The following BAG6 variants were observed in gnomAD, a reference collection of about 807,000 sequenced individuals.
BAG6 encodes the protein large proline-rich protein BAG6.
A neutral mutation model predicts 121.0 loss-of-function variants in BAG6; 22 were observed. The observed-to-expected ratio is 0.18, with a 90% CI of 0.13 to 0.26. The LOEUF is 0.26. Among genes scored for constraint, BAG6 ranks in the 10% least tolerant of loss-of-function variants. The probability of loss-of-function intolerance (pLI) is 1.00; values close to 1 mark genes in which losing one functional copy is unlikely to be tolerated. For missense variants in BAG6, 1,233 were observed against 1,537.7 expected, an observed-to-expected ratio of 0.80 and a Z score of 3.31; for synonymous variants, 583 against 584.6, an observed-to-expected ratio of 1.00 and a Z score of 0.04.
chr6:31,648,709 T>C lies in BAG6; in HGVS notation c.520A>G (p.Arg174Gly), dbSNP rs1792961936. The change falls in exon 6 of 26, where the codon AGG becomes GGG. Residue 174 changes from arginine to glycine, a missense_variant. Physicochemically the swap from Arg to Gly is moderately radical, Grantham distance 125. Coordinates refer to ENST00000676615, the MANE Select transcript of BAG6 (RefSeq NM_001387994.1). ...VRLVMAQHMI[R>G]DIQTLLSRME... is the part of the protein sequence containing the mutation. ...CGGGATAGTAAGGTCTGTATATCCC[T>C]GATCATGTGCTGAGCCATCACCAGC... is the stretch of plus-strand genomic sequence containing the variant. 1.2e-6 allele frequency: 2 copies of C among 1,613,950 alleles called. No individual in the cohort carries two copies. The highest frequency in any genetic ancestry group is 1.7e-6 in the Non-Finnish European group (2 of 1,180,020).
intron 2 of BAG6, among the ~76,000 whole-genome samples, chr6:31,651,447 G>A (rs1796627248): frequency 6.6e-6 from 1 of 152,130 alleles, no homozygotes; most frequent in Admixed American, 6.5e-5. Context: ...GCTGAGATAG[G>A]AAAATCGCTT....
chr6:31,648,814 T>TA (rs1793147327), intron 5 of BAG6, 63 bp from the exon 6 acceptor site: 5 of 1,602,888 alleles, frequency 3.1e-6, no homozygotes, highest in Non-Finnish European at 4.3e-6. Flanking sequence ...TACCACCTAC[T>TA]AAATCAGGTC....
Position 31,644,396 on chromosome 6 carries a change from A to T in BAG6, c.1466T>A (p.Leu489Gln). ...CATGAACTCAGGGGGCAGGGAGGGC[A>T]GCTGGATGAGGGTGGAGCCTGGGGG... is the stretch of plus-strand genomic sequence containing the variant. Reference protein sequence around the residue: ...GQTLGSTLIQLPSLPPEFMHA... With the variant: ...GQTLGSTLIQQPSLPPEFMHA... The change falls in exon 12 of 26, where the codon CTG becomes CAG. Residue 489 changes from leucine (L) to glutamine (Q), a missense_variant. By Grantham distance (113) the Leu-to-Gln change is moderately radical. This residue lies in a region of BAG6 where 777 missense variants were observed against 861.4 expected (regional missense o/e 0.90). Coordinates refer to ENST00000676615, the MANE Select transcript of BAG6 (RefSeq NM_001387994.1). The surrounding 1 kb of genome is among the most constrained non-coding windows in gnomAD (Gnocchi z 4.9). 6.4e-7 allele frequency: 1 copy of T among 1,551,966 alleles called. No homozygotes were observed. The highest frequency in any genetic ancestry group is 8.7e-7 in the Non-Finnish European group (1 of 1,147,646).
In BAG6 at chr6:31,646,418, A is replaced by G; in HGVS notation, c.894T>C (p.Ala298=). The part of the protein sequence containing the change: ...LQRYYEVLGA[A]ATTDYNNNHE... ...CATTGTTATTGTAGTCCGTGGTGGC[A>G]GCAGCACCCAGAACCTCGTAGTAGC... is the stretch of plus-strand genomic sequence containing the variant. Residue 298 remains alanine, a synonymous_variant, in exon 8 of 26, where the codon GCT becomes GCC. Coordinates refer to ENST00000676615, the MANE Select transcript of BAG6 (RefSeq NM_001387994.1). 1 of 1,613,028 alleles carries G rather than the reference A, an allele frequency of 6.2e-7. No individual in the cohort carries two copies. Among genetic ancestry groups the G allele is most frequent in the Non-Finnish European group, 8.5e-7 (1 of 1,180,008 alleles).
rs1221014408 is a variant in BAG6, at chr6:31,641,296, GC to G, written c.2662+23del. On this transcript the variant is annotated intron_variant, in intron 19 of 25. Coordinates refer to ENST00000676615, the MANE Select transcript of BAG6 (RefSeq NM_001387994.1). This position sits in a 1 kb window ranked among gnomAD's most constrained non-coding sequence, Gnocchi z 5.7. ...CCTGCACATGCAACAGGCCCCACTT[GC>G]CCCCGCCTGGCCAGCCCCTGACCTG... 6.2e-7 allele frequency: 1 copy of G among 1,613,634 alleles called. No homozygotes were observed. Among genetic ancestry groups the G allele is most frequent in the Non-Finnish European group, 8.5e-7 (1 of 1,179,686 alleles).
At position 31,640,274 on chromosome 6, in the gene BAG6, C is replaced by G. The variant is rs755496680; in HGVS notation, c.3171G>C (p.Gln1057His). Residue 1057 changes from glutamine to histidine, a missense_variant, in exon 24 of 26, where the codon CAG becomes CAC. Coordinates refer to ENST00000676615, the MANE Select transcript of BAG6 (RefSeq NM_001387994.1). The surrounding 1 kb of genome is among the most constrained non-coding windows in gnomAD (Gnocchi z 4.2). The part of the protein sequence containing the change: ...EWVPIIQQDI[Q>H]SQRKVKPQPP... The stretch of plus-strand genomic sequence containing the variant: ...GCTGCGGTTTCACCTTCCGCTGGCT[C>G]TGAATGTCCTGCTGGATAATAGGGA... 1 of 1,614,202 alleles carries G rather than the reference C, an allele frequency of 6.2e-7. No individual in the cohort carries two copies. Among genetic ancestry groups the G allele is most frequent in the South Asian group, 1.1e-5 (1 of 91,084 alleles).
In BAG6 at chr6:31,644,667, T is replaced by C; in HGVS notation, c.1370-65A>G. 1 of 1,516,966 alleles carries C rather than the reference T, an allele frequency of 6.6e-7. No homozygotes were observed. Among genetic ancestry groups the C allele is most frequent in the Non-Finnish European group, 9.1e-7 (1 of 1,099,340 alleles). 94.0% of individuals were successfully genotyped at this position (1,516,966 alleles called of 1,614,324 possible). On this transcript the variant is annotated intron_variant, in intron 10 of 25. Coordinates refer to ENST00000676615, the MANE Select transcript of BAG6 (RefSeq NM_001387994.1). This position sits in a 1 kb window ranked among gnomAD's most constrained non-coding sequence, Gnocchi z 4.9. ...GGGCCAAGGCCTAACTATATCCTTC[T>C]GAGATCAGGCATACTTCAGGCCCAT...
chr6:31,642,495 G>C, intron 15 of BAG6, 92 bp from the exon 16 acceptor site: 2 of 668,726 alleles, frequency 3.0e-6, no homozygotes, highest in Non-Finnish European at 5.1e-6. Context: ...CAAACCAACG[G>C]GTCTGGGAAG....
Position 31,646,960 on chromosome 6 carries a change from A to G in BAG6, c.789-437T>C, listed in dbSNP as rs551860993. ...AGCTAATTTTTTGTATTTTTAGTAG[A>G]GACGGGGTTTCATCATGTTAGCCAG... is the stretch of plus-strand genomic sequence containing the variant. On this transcript the variant is annotated intron_variant, in intron 7 of 25. Transcript: ENST00000676615. 4.3e-4 allele frequency among the ~76,000 whole-genome samples: 66 copies of G among 151,846 alleles called. 1 individual carries two copies. The highest frequency in any genetic ancestry group is 6.8e-3 in the Middle Eastern group (2 of 294).
chr6:31,651,891 C>G (rs2151073633), intron 1 of BAG6, 115 bp from the exon 2 acceptor site: 1 of 688,662 alleles, frequency 1.5e-6, no homozygotes, highest in East Asian at 2.7e-5. Flanking sequence ...TGCACACACA[C>G]ACATTCACAC....
chr6:31,639,535 C>G lies in BAG6; in HGVS notation c.3358G>C (p.Glu1120Gln), dbSNP rs1780262019. The G allele has an allele frequency of 6.2e-7, 1 of 1,614,204 alleles. No homozygotes were observed. Among genetic ancestry groups the G allele is most frequent in the East Asian group, 2.2e-5 (1 of 44,882 alleles). The change falls in exon 25 of 26, where the codon GAG becomes CAG. Residue 1120 changes from glutamate (E) to glutamine (Q), a missense_variant. Glu to Gln is a conservative substitution (Grantham distance 29, BLOSUM62 2). Transcript: ENST00000676615. ...TAGCTCTCCTGAACCTCTGGTGCCT[C>G]CAGGTCCCGGCTCAGGCTCTCGGGG... The part of the protein sequence containing the change: ...TSPESLSRDL[E>Q]APEVQESYRQ...
At position 31,649,245 on chromosome 6, in the gene BAG6, T is replaced by G; in HGVS notation, c.377A>C (p.Asp126Ala). The part of the protein sequence containing the change: ...GTRGPGASVH[D>A]RNANSYVMVG... ...CATGACATAGCTGTTGGCATTCCGG[T>G]CATGAACAGAGGCCCCAGGCCCCCG... The change falls in exon 4 of 26, where the codon GAC becomes GCC. Residue 126 changes from aspartate (D) to alanine (A), a missense_variant. Physicochemically the swap from Asp to Ala is moderately radical, Grantham distance 126 (BLOSUM62 -2). Coordinates refer to ENST00000676615, the MANE Select transcript of BAG6 (RefSeq NM_001387994.1). The G allele has an allele frequency of 6.2e-7, 1 of 1,613,002 alleles. No individual in the cohort carries two copies. The highest frequency in any genetic ancestry group is 1.1e-5 in the South Asian group (1 of 91,074).
chr6:31,639,173 C>G lies in BAG6; in HGVS notation c.3447G>C (p.Gln1149His). ...AGGCCCGCTGGGCATTGGGGAAGCG[C>G]TGGGGACTGTAGTTGGGGTCTTCCT... is the stretch of plus-strand genomic sequence containing the variant. ...RLQEDPNYSPQRFPNAQRAFA... is the reference protein window; with the variant it reads ...RLQEDPNYSPHRFPNAQRAFA... The change falls in exon 26 of 26, where the codon CAG becomes CAC. Residue 1149 changes from glutamine to histidine, a missense_variant. Gln to His is a conservative substitution (Grantham distance 24). Transcript: ENST00000676615. The G allele has an allele frequency of 1.2e-6, 2 of 1,614,016 alleles. No individual in the cohort carries two copies. Among genetic ancestry groups the G allele is most frequent in the Non-Finnish European group, 1.7e-6 (2 of 1,179,952 alleles).
At position 31,641,542 on chromosome 6, in the gene BAG6, A is replaced by G. The variant is rs763598314; in HGVS notation, c.2556T>C (p.Ser852=). 21 of 1,613,306 alleles carry G rather than the reference A, an allele frequency of 1.3e-5. 1 individual carries two copies. The Admixed American group carries it at 3.5e-4, about 27-fold the overall frequency. The change falls in exon 18 of 26, where the codon AGT becomes AGC. Residue 852 remains serine (S), a synonymous_variant. Transcript: ENST00000676615. This position sits in a 1 kb window ranked among gnomAD's most constrained non-coding sequence, Gnocchi z 5.7. ...ITGLEEYVRE[S]FSLVQVQPGV... is the part of the protein sequence containing the mutation. ...GGAATAGAGAAGGGTTACTCACAAAACTCTCCCGCACATACTCTTCTAGCC... is the reference window on the plus strand; with the variant it reads ...GGAATAGAGAAGGGTTACTCACAAAGCTCTCCCGCACATACTCTTCTAGCC...
In BAG6 at chr6:31,641,954, C is replaced by A. The variant is rs1229210798; in HGVS notation, c.2336-9G>T. On this transcript the variant is annotated splice_polypyrimidine_tract_variant and intron_variant, in intron 16 of 25. Coordinates refer to ENST00000676615, the MANE Select transcript of BAG6 (RefSeq NM_001387994.1). The surrounding 1 kb of genome is among the most constrained non-coding windows in gnomAD (Gnocchi z 5.7). ...CAAGGCCCCAAAGAATCCTGGGGGACAAGGGCAGATGTTAGCAATGGCCTT... is the reference window on the plus strand; with the variant it reads ...CAAGGCCCCAAAGAATCCTGGGGGAAAAGGGCAGATGTTAGCAATGGCCTT... 6.2e-7 allele frequency: 1 copy of A among 1,612,546 alleles called. No individual in the cohort carries two copies. The highest frequency in any genetic ancestry group is 8.5e-7 in the Non-Finnish European group (1 of 1,179,804).
At position 31,641,985 on chromosome 6, in the gene BAG6, C is replaced by T. The variant is rs143860865; in HGVS notation, c.2336-40G>A. The T allele has an allele frequency of 1.0e-3, 1,629 of 1,606,252 alleles. No homozygotes were observed. Among genetic ancestry groups the T allele is most frequent in the Middle Eastern group, 5.6e-3 (34 of 6,030 alleles). ...CAGATGTTAGCAATGGCCTTTACCA[C>T]CTGGCCTGCCCACCCACAACCAGAT... On this transcript the variant is annotated intron_variant, in intron 16 of 25. Coordinates refer to ENST00000676615, the MANE Select transcript of BAG6 (RefSeq NM_001387994.1). This position sits in a 1 kb window ranked among gnomAD's most constrained non-coding sequence, Gnocchi z 5.7.
Position 31,641,657 on chromosome 6 carries a change from CCAA to C in BAG6, c.2506-68_2506-66del. On this transcript the variant is annotated intron_variant, in intron 17 of 25. Coordinates refer to ENST00000676615, the MANE Select transcript of BAG6 (RefSeq NM_001387994.1). This position sits in a 1 kb window ranked among gnomAD's most constrained non-coding sequence, Gnocchi z 5.7. ...TCCTCCCAAGACTTCCACCTCGACC[CCAA>C]CAAGTCCAGGGCTTGTGTGGGGGCA... is the stretch of plus-strand genomic sequence containing the variant. 2.5e-6 allele frequency: 4 copies of C among 1,612,404 alleles called. No individual in the cohort carries two copies. The Admixed American group carries it at 5.0e-5, about 20-fold the overall frequency.
chr6:31,650,553 TACTC>T, intron 2 of BAG6, among the ~76,000 whole-genome samples: 1 of 151,142 alleles, frequency 6.6e-6, no homozygotes, highest in South Asian at 2.1e-4. Context: ...TAATCCCAGA[TACTC>T]AGGAGGCTGA....
Position 31,642,315 on chromosome 6 carries a change from G to T in BAG6, c.2132C>A (p.Pro711His). 1 of 1,565,278 alleles carries T rather than the reference G, an allele frequency of 6.4e-7. No homozygotes were observed. The highest frequency in any genetic ancestry group is 8.7e-7 in the Non-Finnish European group (1 of 1,155,974). The stretch of plus-strand genomic sequence containing the variant: ...TCCAGGACTCCCTGCGCCACCAGAA[G>T]GGGAGCCTGGTGGGGGCATGGTCTG... ...EQQTMPPPGS[P>H]SGGAGSPGGL... The change falls in exon 16 of 26, where the codon CCT (proline) becomes CAT (histidine). Residue 711 changes from proline (P) to histidine (H), a missense_variant. Around this residue, in one of 7 missense-constraint regions of BAG6, gnomAD observed 777 missense variants for 861.4 expected, o/e 0.90. Coordinates refer to ENST00000676615, the MANE Select transcript of BAG6 (RefSeq NM_001387994.1).
Sources: allele counts gnomAD v4.1 joint callset (sites outside exome capture counted in the v4.1 genomes callset), GRCh38; gene constraint gnomAD v4.1.1; regional missense constraint gnomAD v4.1.1; non-coding constraint Gnocchi (gnomAD v3.1); transcripts MANE v1.5; gene names NCBI Gene and HGNC (gene_info 2026-07-23, HGNC 2026-07-21).